RALYL: variants seen among roughly 807,000 people sequenced by gnomAD.
RALYL encodes the protein RNA-binding Raly-like protein.
Under a neutral mutation model 35.1 loss-of-function variants are expected in RALYL, and 29 were observed. That is an observed-to-expected ratio of 0.83 (90% CI 0.61 to 1.13). The LOEUF (loss-of-function observed/expected upper bound fraction) is 1.13. Ranked by LOEUF, RALYL falls within the 50% of genes most tolerant of loss-of-function variation. The pLI is 0.00. For missense variants in RALYL, 359 were observed against 360.4 expected (o/e 1.00, Z 0.03); for synonymous variants, 120 against 127.6 (o/e 0.94, Z 0.40).
At chr8:84,460,582 A>G (rs747673927) in intron 1 of RALYL, among the ~76,000 whole-genome samples, 1 of 151,752 alleles carries the variant, frequency 6.6e-6, no homozygotes, top group Non-Finnish European at 1.5e-5. Context: ...GTGTGGTATA[A>G]TGCAATCTAA....
At chr8:84,515,871 C>T (rs995167663) in intron 1 of RALYL, among the ~76,000 whole-genome samples, 9 of 152,146 alleles carry the variant, frequency 5.9e-5, no homozygotes, top group East Asian at 3.9e-4. Context: ...TGCTCCTGTT[C>T]GGAATTTTGA....
intron 1 of RALYL, among the ~76,000 whole-genome samples, chr8:84,226,527 G>A (rs754845720): frequency 4.6e-5 from 7 of 152,016 alleles, no homozygotes; most frequent in Admixed American, 2.6e-4. Flanking sequence ...CTGCCTCTGA[G>A]TGATTCTCCT....
At chr8:84,826,063 A>G (rs1717914931) in intron 4 of RALYL, among the ~76,000 whole-genome samples, 1 of 152,088 alleles carries the variant, frequency 6.6e-6, no homozygotes, top group Admixed American at 6.6e-5. Flanking sequence ...CAAAAAAAAT[A>G]TATTGAATGT....
chr8:84,732,929 T>C (rs183510961), intron 2 of RALYL, among the ~76,000 whole-genome samples: 16 of 151,896 alleles, frequency 1.1e-4, no homozygotes, highest in Middle Eastern at 3.4e-3. Flanking sequence ...ACTCCTGACC[T>C]CCAGTGACTA....
chr8:84,386,043 A>T (rs904987657), intron 1 of RALYL, among the ~76,000 whole-genome samples: 5 of 151,758 alleles, frequency 3.3e-5, no homozygotes, highest in African/African-American at 1.2e-4. Context: ...GTAAGCATTC[A>T]CTTGGGAAAG....
intron 2 of RALYL, among the ~76,000 whole-genome samples, chr8:84,662,103 A>G (rs1466752323): frequency 6.6e-6 from 1 of 152,124 alleles, no homozygotes; most frequent in Non-Finnish European, 1.5e-5. Flanking sequence ...CCTCTTTTCT[A>G]GCTCCCTTAA....
chr8:84,615,570 C>CTTTT lies in RALYL; in HGVS notation c.256+86020_256+86023dup, dbSNP rs60428128. On this transcript the variant is annotated intron_variant, in intron 2 of 8. Transcript: ENST00000521268. ...GAGAGCCTGACTATAGAACTTTCGT[C>CTTTT]TTTTTTTTTTTTTTTTTTTTTTTTT... Among the ~76,000 whole-genome samples the CTTTT allele has an allele frequency of 6.6e-3, 447 of 67,320 alleles. 1 individual carries two copies. Among genetic ancestry groups the CTTTT allele is most frequent in the East Asian group, 7.6e-3 (15 of 1,986 alleles). The allele number at this position is 67,320 out of a possible 152,430, so 44.2% of individuals were successfully genotyped here.
At chr8:84,458,980 C>T (rs1483298281) in intron 1 of RALYL, among the ~76,000 whole-genome samples, 3 of 151,462 alleles carry the variant, frequency 2.0e-5, no homozygotes, top group Non-Finnish European at 4.4e-5. Flanking sequence ...GAATAAAAAT[C>T]ATTATGAATT....
intron 1 of RALYL, among the ~76,000 whole-genome samples, chr8:84,410,073 C>T (rs2043950834): frequency 6.6e-6 from 1 of 151,892 alleles, no homozygotes; most frequent in African/African-American, 2.4e-5. Flanking sequence ...ACATTATTTT[C>T]TCTTGAAATT....
At chr8:84,533,307 G>A (rs1052495830) in intron 2 of RALYL, among the ~76,000 whole-genome samples, 1 of 151,920 alleles carries the variant, frequency 6.6e-6, no homozygotes, top group East Asian at 1.9e-4. Flanking sequence ...CATTATATGC[G>A]AGATAAAAAC....
chr8:84,378,190 A>G (rs1645726776), intron 1 of RALYL, among the ~76,000 whole-genome samples: 1 of 151,938 alleles, frequency 6.6e-6, no homozygotes, highest in Non-Finnish European at 1.5e-5. Flanking sequence ...TGCCTTCTTA[A>G]TTCTCTGCAA....
At chr8:84,448,124 C>G (rs888758714) in intron 1 of RALYL, among the ~76,000 whole-genome samples, 1 of 151,938 alleles carries the variant, frequency 6.6e-6, no homozygotes, top group Admixed American at 6.6e-5. Flanking sequence ...TGTTAAATTA[C>G]TGGTAAGGGA....
intron 1 of RALYL, among the ~76,000 whole-genome samples, chr8:84,478,918 C>CAAAAAA (rs1564004735): frequency 1.3e-5 from 1 of 74,654 alleles, no homozygotes. Flanking sequence ...AACCCCGTCT[C>CAAAAAA]TACTAAAAAT....
At chr8:84,323,502 C>T (rs1250004850) in intron 1 of RALYL, among the ~76,000 whole-genome samples, 1 of 151,978 alleles carries the variant, frequency 6.6e-6, no homozygotes, top group Non-Finnish European at 1.5e-5. Flanking sequence ...TTCCTTTGAT[C>T]TCAGTATATG....
chr8:84,454,656 C>T (rs147684589), intron 1 of RALYL, among the ~76,000 whole-genome samples: 2 of 152,176 alleles, frequency 1.3e-5, no homozygotes, highest in African/African-American at 2.4e-5. Flanking sequence ...CATTCGCCTT[C>T]GCATCTAGTT....
At chr8:84,872,097 T>G (rs567256846) in intron 6 of RALYL, among the ~76,000 whole-genome samples, 2 of 152,264 alleles carry the variant, frequency 1.3e-5, no homozygotes, top group South Asian at 4.1e-4. Context: ...GTATCCAAGA[T>G]CTTGAAACTT....
chr8:84,466,175 G>C (rs56173839), intron 1 of RALYL, among the ~76,000 whole-genome samples: 4,702 of 129,740 alleles, frequency 0.036, 72 homozygotes, highest in East Asian at 0.071. Flanking sequence ...ACTTCCAACA[G>C]TATGTTGAAT....
At chr8:84,210,736 C>A (rs1348729969) in intron 1 of RALYL, among the ~76,000 whole-genome samples, 1 of 151,986 alleles carries the variant, frequency 6.6e-6, no homozygotes, top group Middle Eastern at 3.2e-3. Flanking sequence ...TTTATTTTCA[C>A]CAACTTAATT....
intron 1 of RALYL, among the ~76,000 whole-genome samples, chr8:84,225,041 T>C (rs185971912): frequency 3.3e-5 from 5 of 152,290 alleles, no homozygotes; most frequent in Non-Finnish European, 7.4e-5. Flanking sequence ...TATGGATGAG[T>C]CTACCTTCCT....
Sources: gnomAD v4.1 joint callset for allele counts (sites outside exome capture counted in the v4.1 genomes callset) on GRCh38, gnomAD v4.1.1 for gene constraint, MANE v1.5 for transcripts, NCBI Gene and HGNC (gene_info 2026-07-23, HGNC 2026-07-21) for gene names.